Variants in ATRN observed in about 807,000 individuals in gnomAD.
The protein encoded by ATRN is attractin-2.
In ATRN, 54 loss-of-function variants were observed where a neutral mutation model predicts 178.7. That is an observed-to-expected ratio of 0.30 (90% confidence interval 0.24 to 0.38). The LOEUF is 0.38. Among genes scored for constraint, ATRN ranks in the 10% least tolerant of loss-of-function variants. The pLI is 1.00. For missense variants in ATRN, 1,443 were observed against 1,815.1 expected (o/e 0.79, Z 3.73); for synonymous variants, 636 against 663.0 (o/e 0.96, Z 0.63).
At chr20:3,507,562 G>A (rs1379894415) in intron 1 of ATRN, among the ~76,000 whole-genome samples, 1 of 152,040 alleles carries the variant, frequency 6.6e-6, no homozygotes, top group Non-Finnish European at 1.5e-5. Context: ...ATGAGATAAT[G>A]TCCTAGAATG....
intron 19 of ATRN, 102 bp downstream of exon 19, chr20:3,591,408 A>T (rs2086440537): frequency 2.9e-6 from 4 of 1,370,184 alleles, no homozygotes; most frequent in Non-Finnish European, 4.0e-6. Flanking sequence ...TTTGTTTTGG[A>T]TACCACATTT....
chr20:3,555,254 C>T (rs1012503947), intron 6 of ATRN, among the ~76,000 whole-genome samples: 7 of 151,946 alleles, frequency 4.6e-5, no homozygotes, highest in Non-Finnish European at 8.8e-5. Context: ...CCACCCGCCT[C>T]GGCCTCCCAA....
Position 3,575,808 on chromosome 20 carries a change from G to A in ATRN, c.2093-19G>A. ...CAATTGAAGTTGTCCCAGTTCATGA[G>A]ATTTTGTTTTCTTTGCAGCTCTTGA... On this transcript the variant is annotated intron_variant, in intron 12 of 28. Transcript: ENST00000262919. The A allele has an allele frequency of 1.3e-6, 2 of 1,595,284 alleles. No homozygotes were observed. The highest frequency in any genetic ancestry group is 1.7e-5 in the Admixed American group (1 of 57,470).
chr20:3,559,608 T>C (rs949060566), intron 7 of ATRN, 125 bp downstream of exon 7: 5 of 703,036 alleles, frequency 7.1e-6, no homozygotes, highest in Admixed American at 5.5e-5. Context: ...ATTGGGGGCA[T>C]TATATAATTG....
chr20:3,475,375 G>A (rs1297100827), intron 1 of ATRN, among the ~76,000 whole-genome samples: 2 of 152,078 alleles, frequency 1.3e-5, no homozygotes, highest in Non-Finnish European at 2.9e-5. Context: ...TTAATCCTCA[G>A]GACAACTCTG....
At position 3,560,831 on chromosome 20, in the gene ATRN, G is replaced by A. The variant is rs200822955; in HGVS notation, c.1373G>A (p.Arg458Gln). Residue 458 changes from arginine to glutamine, a missense_variant, in exon 8 of 29, where the codon CGA (arginine) becomes CAA (glutamine). This residue lies in a region of ATRN where 862 missense variants were observed against 972.1 expected (regional missense o/e 0.89). Transcript: ENST00000262919. ...SAHIVTLKNG[R>Q]VVMLVIFGHC... is the part of the protein sequence containing the mutation. Reference sequence around the variant, plus strand: ...CACATTGTTACACTGAAGAATGGCCGAGTGGTCATGCTGGTCATCTTTGGT... The same window carrying A: ...CACATTGTTACACTGAAGAATGGCCAAGTGGTCATGCTGGTCATCTTTGGT... 1 of 1,614,106 alleles carries A rather than the reference G, an allele frequency of 6.2e-7. No homozygotes were observed. Among genetic ancestry groups the A allele is most frequent in the East Asian group, 2.2e-5 (1 of 44,884 alleles).
intron 1 of ATRN, chr20:3,490,244 C>T (rs779297007): frequency 3.6e-5 from 54 of 1,488,498 alleles, no homozygotes; most frequent in Non-Finnish European, 4.9e-5. Context: ...TCTGTCCAAA[C>T]CCAGAGAGGC....
Position 3,471,286 on chromosome 20 carries a change from G to GGCTGCT in ATRN, c.190_195dup (p.Leu67_Leu68dup), listed in dbSNP as rs774052205. 3 of 1,469,622 alleles carry GGCTGCT rather than the reference G, an allele frequency of 2.0e-6. No individual in the cohort carries two copies. The highest frequency in any genetic ancestry group is 2.7e-6 in the Non-Finnish European group (3 of 1,119,638). The allele number at this position is 1,469,622 out of a possible 1,614,324, so 91.0% of individuals were successfully genotyped here. ...CTGCTGTCTCCACCGCTGCGGCCAC[G>GGCTGCT]GCTGCTGCTGCTGCTGTTGTTGCTC... On this transcript the variant is annotated inframe_insertion, in exon 1 of 29. Coordinates refer to ENST00000262919, the MANE Select transcript of ATRN (RefSeq NM_139321.3).
Position 3,624,720 on chromosome 20 carries a change from A to G in ATRN, c.3863+148A>G, listed in dbSNP as rs948297564. 4 of 708,244 alleles carry G rather than the reference A, an allele frequency of 5.6e-6. No individual in the cohort carries two copies. The Admixed American group carries it at 1.1e-4, about 20-fold the overall frequency. The allele number at this position is 708,244 out of a possible 1,614,324, so 43.9% of individuals were successfully genotyped here. On this transcript the variant is annotated intron_variant, in intron 25 of 28. Coordinates refer to ENST00000262919, the MANE Select transcript of ATRN (RefSeq NM_139321.3). ...TTCATATGTGTTCCTGAAAAGTTAG[A>G]TGTCAGTTACAGTAATATAAACTCA...
At chr20:3,539,480 A>T (rs2085587872) in intron 2 of ATRN, among the ~76,000 whole-genome samples, 1 of 152,176 alleles carries the variant, frequency 6.6e-6, no homozygotes, top group Admixed American at 6.5e-5. Flanking sequence ...ACAGAAAGAG[A>T]AACAGAAAGA....
At chr20:3,576,089 TC>T in intron 13 of ATRN, 141 bp downstream of exon 13, 2 of 1,041,960 alleles carry the variant, frequency 1.9e-6, no homozygotes, top group Non-Finnish European at 2.6e-6. Flanking sequence ...CCTGAGGTTT[TC>T]CTTTAGGAAG....
chr20:3,579,724 T>C (rs536208942), intron 15 of ATRN, among the ~76,000 whole-genome samples: 1 of 152,172 alleles, frequency 6.6e-6, no homozygotes, highest in Admixed American at 6.5e-5. Flanking sequence ...TTAAGTAGAC[T>C]CATAGAACAA....
In ATRN at chr20:3,597,983, G is replaced by T; in HGVS notation, c.3547G>T (p.Val1183Leu). 1 of 1,609,980 alleles carries T rather than the reference G, an allele frequency of 6.2e-7. No individual in the cohort carries two copies. The highest frequency in any genetic ancestry group is 8.5e-7 in the Non-Finnish European group (1 of 1,176,544). Residue 1183 changes from valine (V) to leucine (L), a missense_variant, in exon 22 of 29, where the codon GTG (valine) becomes TTG (leucine). Transcript: ENST00000262919. ...DDRYYTAINFVATPDEQNRDL... is the reference protein window; with the variant it reads ...DDRYYTAINFLATPDEQNRDL... ...TCGCTATTACACAGCTATCAATTTT[G>T]TGGCTACTCCTGACGAAGTAAGATT...
chr20:3,616,534 C>T (rs2086849253), intron 24 of ATRN, among the ~76,000 whole-genome samples: 1 of 152,048 alleles, frequency 6.6e-6, no homozygotes, highest in African/African-American at 2.4e-5. Context: ...AAATGACCAG[C>T]CCTTTCAGGA....
At chr20:3,489,110 G>A (rs187153434) in intron 1 of ATRN, among the ~76,000 whole-genome samples, 98 of 152,170 alleles carry the variant, frequency 6.4e-4, no homozygotes, top group Middle Eastern at 6.8e-3. Flanking sequence ...ACGGTTGTGC[G>A]CCACCATGCC....
chr20:3,568,714 T>C (rs1008260399), intron 11 of ATRN, among the ~76,000 whole-genome samples: 1 of 152,172 alleles, frequency 6.6e-6, no homozygotes. Context: ...TAAAAACATC[T>C]TGTTGAATAT....
chr20:3,581,417 G>A (rs2086281228), intron 15 of ATRN, among the ~76,000 whole-genome samples: 1 of 152,222 alleles, frequency 6.6e-6, no homozygotes, highest in African/African-American at 2.4e-5. Context: ...GACTGTCCCA[G>A]GTGTCACTGT....
intron 26 of ATRN, among the ~76,000 whole-genome samples, chr20:3,636,251 G>A (rs1178275955): frequency 6.6e-6 from 1 of 152,184 alleles, no homozygotes; most frequent in Non-Finnish European, 1.5e-5. Context: ...AATACAAAGG[G>A]CAGCTGCATA....
At chr20:3,498,331 A>G (rs1377955712) in intron 1 of ATRN, among the ~76,000 whole-genome samples, 1 of 152,216 alleles carries the variant, frequency 6.6e-6, no homozygotes, top group Non-Finnish European at 1.5e-5. Flanking sequence ...AACTCATTTT[A>G]TGAGGCCAGC....
Sources: allele counts gnomAD v4.1 joint callset (sites outside exome capture counted in the v4.1 genomes callset), GRCh38; gene constraint gnomAD v4.1.1; regional missense constraint gnomAD v4.1.1; transcripts MANE v1.5; gene names NCBI Gene and HGNC (gene_info 2026-07-23, HGNC 2026-07-21).